HMG20A: variants seen among roughly 807,000 people sequenced by gnomAD.
HMG20A encodes the protein high mobility group protein 20A.
A neutral mutation model predicts 43.9 loss-of-function variants in HMG20A; 17 were observed. The ratio of observed to expected loss-of-function variants is 0.39; its 90% confidence interval spans 0.27 to 0.58. The LOEUF (loss-of-function observed/expected upper bound fraction) is 0.58. Ranked by LOEUF, HMG20A falls within the 20% of genes least tolerant of loss-of-function variation. The pLI, the probability that HMG20A is intolerant of heterozygous loss-of-function variation, is 0.59. For missense variants in HMG20A, 341 were observed against 438.2 expected (o/e 0.78, Z 1.98); for synonymous variants, 132 against 147.5 (o/e 0.89, Z 0.76).
chr15:77,505,738 A>G, the HMG20A span, among the ~76,000 whole-genome samples: 1 of 152,224 alleles, frequency 6.6e-6, no homozygotes, highest in Non-Finnish European at 1.5e-5. Context: ...GCAGGGCTAC[A>G]GGGCTGCAGG....
At chr15:77,443,921 G>A (rs532893834) in intron 1 of HMG20A, among the ~76,000 whole-genome samples, 5 of 152,008 alleles carry the variant, frequency 3.3e-5, no homozygotes, top group South Asian at 2.1e-4. Flanking sequence ...ATGTTGCCCC[G>A]GCTGGTCTCA....
In HMG20A at chr15:77,483,124, G is replaced by A. The variant is rs948613735; in HGVS notation, c.*161G>A. 6.6e-6 allele frequency: 1 copy of A among 152,166 alleles called. No individual in the cohort carries two copies. Among genetic ancestry groups the A allele is most frequent in the African/African-American group, 2.4e-5 (1 of 41,432 alleles). The allele number at this position is 152,166 out of a possible 1,614,324, so 9.4% of individuals were successfully genotyped here. A position where few individuals can be genotyped will look rare whatever the true frequency, so the allele number is the denominator to read the frequency against. Reference sequence around the variant, plus strand: ...GAGTGAAAGGCCATCACCCCAGGAAGCCAAATGAGGGAGCAGCAACATGTA... The same window carrying A: ...GAGTGAAAGGCCATCACCCCAGGAAACCAAATGAGGGAGCAGCAACATGTA... On this transcript the variant is annotated 3_prime_UTR_variant, in exon 10 of 10. Transcript: ENST00000336216.
chr15:77,497,682 A>AGTGTGTGT, the HMG20A span, among the ~76,000 whole-genome samples: 4 of 118,988 alleles, frequency 3.4e-5, 1 homozygote, highest in South Asian at 5.5e-4. Flanking sequence ...AGAGAGAGAG[A>AGTGTGTGT]GTGTGTGTGT....
chr15:77,472,609 C>G (rs1165916748), intron 6 of HMG20A, among the ~76,000 whole-genome samples: 1 of 152,220 alleles, frequency 6.6e-6, no homozygotes, highest in Non-Finnish European at 1.5e-5. Flanking sequence ...TTCCTATTCC[C>G]TCACTTCACT....
At chr15:77,474,404 T>C (rs1266471665) in intron 6 of HMG20A, among the ~76,000 whole-genome samples, 2 of 152,274 alleles carry the variant, frequency 1.3e-5, no homozygotes, top group South Asian at 2.1e-4. Flanking sequence ...AGACAGTATA[T>C]AGAATGGAAA....
At chr15:77,458,995 G>T (rs983369208) in intron 2 of HMG20A, among the ~76,000 whole-genome samples, 2 of 152,148 alleles carry the variant, frequency 1.3e-5, no homozygotes, top group Non-Finnish European at 2.9e-5. Flanking sequence ...ATAGAAAAGG[G>T]TTAATAACAG....
chr15:77,465,995 C>G (rs900125608), intron 3 of HMG20A, among the ~76,000 whole-genome samples: 50 of 152,252 alleles, frequency 3.3e-4, no homozygotes, highest in African/African-American at 1.2e-3. Flanking sequence ...TCAGTGGTAC[C>G]TCAGTCCTTT....
At chr15:77,469,769 G>A (rs914194686) in intron 4 of HMG20A, among the ~76,000 whole-genome samples, 18 of 152,126 alleles carry the variant, frequency 1.2e-4, no homozygotes, top group African/African-American at 4.3e-4. Flanking sequence ...CCAGGTTCAA[G>A]CGATTCTCTA....
chr15:77,489,686 T>G (rs1165541400), downstream of HMG20A, among the ~76,000 whole-genome samples: 3 of 152,126 alleles, frequency 2.0e-5, no homozygotes, highest in African/African-American at 7.2e-5. Flanking sequence ...TCTGAAAAAG[T>G]ATCTTCTGAA....
intron 1 of HMG20A, among the ~76,000 whole-genome samples, chr15:77,434,610 A>T (rs1366276293): frequency 6.6e-6 from 1 of 152,214 alleles, no homozygotes; most frequent in African/African-American, 2.4e-5. Context: ...AAAGGCCAAT[A>T]TGCACCCAGC....
At chr15:77,517,773 C>A in the HMG20A span, among the ~76,000 whole-genome samples, 66 of 152,008 alleles carry the variant, frequency 4.3e-4, no homozygotes, top group Non-Finnish European at 5.4e-4. Context: ...CTCAGACGAC[C>A]CTTCCCCTCC....
chr15:77,499,079 A>G, the HMG20A span, among the ~76,000 whole-genome samples: 1 of 152,120 alleles, frequency 6.6e-6, no homozygotes. Context: ...CTAGCTCTCA[A>G]TCTCCAAGTC....
At chr15:77,500,780 G>T in the HMG20A span, among the ~76,000 whole-genome samples, 1 of 151,942 alleles carries the variant, frequency 6.6e-6, no homozygotes, top group Non-Finnish European at 1.5e-5. Context: ...TGTTGGCCAG[G>T]CTGGTCTTGA....
intron 1 of HMG20A, among the ~76,000 whole-genome samples, chr15:77,447,190 G>A (rs991105416): frequency 1.3e-5 from 2 of 152,134 alleles, no homozygotes; most frequent in African/African-American, 4.8e-5. Context: ...AATAATAAAA[G>A]CAGTGCTTAG....
At chr15:77,424,123 G>A (rs932923568) in intron 1 of HMG20A, among the ~76,000 whole-genome samples, 11 of 152,000 alleles carry the variant, frequency 7.2e-5, no homozygotes, top group African/African-American at 2.4e-4. Context: ...TGTTATGATC[G>A]TTGTTCAGAC....
chr15:77,427,116 C>T (rs1438063544), intron 1 of HMG20A, among the ~76,000 whole-genome samples: 4 of 151,900 alleles, frequency 2.6e-5, no homozygotes, highest in African/African-American at 9.7e-5. Context: ...AGTCTAGTAG[C>T]AATCAAAACA....
At chr15:77,437,531 C>T (rs1411742225) in intron 1 of HMG20A, among the ~76,000 whole-genome samples, 1 of 152,062 alleles carries the variant, frequency 6.6e-6, no homozygotes, top group Non-Finnish European at 1.5e-5. Context: ...TATTTAAGCC[C>T]CCACAGAGGA....
chr15:77,453,399 A>G (rs1170410080), intron 1 of HMG20A, among the ~76,000 whole-genome samples: 1 of 152,208 alleles, frequency 6.6e-6, no homozygotes, highest in African/African-American at 2.4e-5. Context: ...CACATCTACT[A>G]GGATGGCTCT....
At position 77,458,427 on chromosome 15, in the gene HMG20A, G is replaced by A. The variant is rs199872186; in HGVS notation, c.20G>A (p.Ser7Asn). The A allele has an allele frequency of 9.7e-5, 156 of 1,612,884 alleles. No individual in the cohort carries two copies. Among genetic ancestry groups the A allele is most frequent in the Non-Finnish European group, 5.8e-5 (68 of 1,179,226 alleles). Residue 7 changes from serine to asparagine, a missense_variant, in exon 2 of 10, where the codon AGC becomes AAC. Around this residue, in one of 3 missense-constraint regions of HMG20A, gnomAD observed 220 missense variants for 263.6 expected, o/e 0.83. Coordinates refer to ENST00000336216, the MANE Select transcript of HMG20A (RefSeq NM_001304504.2). Reference sequence around the variant, plus strand: ...AGAGAGATGGAAAACTTGATGACTAGCTCCACCCTACCGCCCCTTTTTGCA... The same window carrying A: ...AGAGAGATGGAAAACTTGATGACTAACTCCACCCTACCGCCCCTTTTTGCA... MENLMT[S>N]STLPPLFADE...
Sources: allele counts gnomAD v4.1 joint callset (sites outside exome capture counted in the v4.1 genomes callset), GRCh38; gene constraint gnomAD v4.1.1; regional missense constraint gnomAD v4.1.1; transcripts MANE v1.5; gene names NCBI Gene and HGNC (gene_info 2026-07-23, HGNC 2026-07-21).